FGD6: variants seen among roughly 807,000 people sequenced by gnomAD.
The protein encoded by FGD6 is FYVE, RhoGEF and PH domain containing 6.
A neutral mutation model predicts 149.4 loss-of-function variants in FGD6; 90 were observed. The ratio of observed to expected loss-of-function variants is 0.60; its 90% CI spans 0.51 to 0.72. The LOEUF (loss-of-function observed/expected upper bound fraction) is 0.72, where lower values mean the gene tolerates loss of function less well. Among genes scored for constraint, FGD6 ranks in the 30% least tolerant of loss-of-function variants. The pLI, the probability that FGD6 is intolerant of heterozygous loss-of-function variation, is 0.00. For missense variants in FGD6, 1,437 were observed against 1,684.8 expected (o/e 0.85, Z 2.57); for synonymous variants, 527 against 584.0 (o/e 0.90, Z 1.41).
chr12:95,107,620 T>C lies in FGD6; in HGVS notation c.3276A>G (p.Lys1092=). The change falls in exon 12 of 21, where the codon AAA becomes AAG. Residue 1092 remains lysine (K), a synonymous_variant. Transcript: ENST00000343958. ...GAGACAGCTTCATCAGAATTCCTTC[T>C]TTGAGAAAAACCTGATTCACCCAAA... ...EIVQPGRVFL[K]EGILMKLSRK... 1 of 1,614,054 alleles carries C rather than the reference T, an allele frequency of 6.2e-7. No individual in the cohort carries two copies. Among genetic ancestry groups the C allele is most frequent in the Non-Finnish European group, 8.5e-7 (1 of 1,180,036 alleles).
chr12:95,210,989 C>G lies in FGD6; in HGVS notation c.295G>C (p.Gly99Arg), dbSNP rs755985533. 8.4e-5 allele frequency: 135 copies of G among 1,614,072 alleles called. No homozygotes were observed. The highest frequency in any genetic ancestry group is 1.1e-4 in the Non-Finnish European group (133 of 1,180,052). The change falls in exon 2 of 21, where the codon GGC becomes CGC. Residue 99 changes from glycine (G) to arginine (R), a missense_variant. Transcript: ENST00000343958. ...STDNFNCKYE[G>R]NQSNDYISPM... ...GAAATATAATCATTGCTCTGATTGC[C>G]TTCATATTTACAATTAAAGTTGTCA...
chr12:95,112,671 A>G (rs1189511160), intron 9 of FGD6, among the ~76,000 whole-genome samples: 1 of 152,190 alleles, frequency 6.6e-6, no homozygotes, highest in African/African-American at 2.4e-5. Context: ...GAAACACCCA[A>G]ACAGAATTAA....
At chr12:95,099,344 C>T (rs1221443955) in intron 14 of FGD6, among the ~76,000 whole-genome samples, 1 of 152,148 alleles carries the variant, frequency 6.6e-6, no homozygotes, top group Non-Finnish European at 1.5e-5. Context: ...GAGTCACACG[C>T]AGATCCGTGC....
At chr12:95,180,186 T>C (rs1881242547) in intron 2 of FGD6, among the ~76,000 whole-genome samples, 1 of 151,946 alleles carries the variant, frequency 6.6e-6, no homozygotes. Flanking sequence ...CTCCTATTTG[T>C]GTAGAGAAGC....
rs757955014 is a variant in FGD6, at chr12:95,101,681, C to CTTTTT, written c.3497+3321_3497+3325dup. ...ATGGTCTTAATGTTCTTTGAACTTT[C>CTTTTT]TTTTTTTTTTTTTTTTTTTTGAGAT... On this transcript the variant is annotated intron_variant, in intron 14 of 20. Coordinates refer to ENST00000343958, the MANE Select transcript of FGD6 (RefSeq NM_018351.4). Among the ~76,000 whole-genome samples the CTTTTT allele has an allele frequency of 2.2e-3, 233 of 107,706 alleles. 1 individual carries two copies. The highest frequency in any genetic ancestry group is 2.6e-3 in the Non-Finnish European group (149 of 56,406). The allele number at this position is 107,706 out of a possible 152,430, so 70.7% of individuals were successfully genotyped here. A position where few individuals can be genotyped will look rare whatever the true frequency, so the allele number is the denominator to read the frequency against.
At position 95,084,510 on chromosome 12, in the gene FGD6, T is replaced by G; in HGVS notation, c.4244A>C (p.His1415Pro). The G allele has an allele frequency of 1.3e-6, 2 of 1,566,184 alleles. No individual in the cohort carries two copies. The highest frequency in any genetic ancestry group is 1.7e-6 in the Non-Finnish European group (2 of 1,163,856). ...LFYVFKAEDA[H>P]SAQKWIEAFQ... is the part of the protein sequence containing the mutation. ...CCAGATTACTTACTTCTGAGCCGAATGAGCATCCTCTGCTTTGAATACATA... is the reference window on the plus strand; with the variant it reads ...CCAGATTACTTACTTCTGAGCCGAAGGAGCATCCTCTGCTTTGAATACATA... The change falls in exon 20 of 21, where the codon CAT (histidine) becomes CCT (proline). Residue 1415 changes from histidine to proline, a missense_variant. Transcript: ENST00000343958.
rs1384717021 is a variant in FGD6, at chr12:95,209,070, C to T, written c.2214G>A (p.Lys738=). The change falls in exon 2 of 21, where the codon AAG becomes AAA. Residue 738 remains lysine, a synonymous_variant. Coordinates refer to ENST00000343958, the MANE Select transcript of FGD6 (RefSeq NM_018351.4). ...SRESSSQAPY[K]SVTSLCAPEY... is the part of the protein sequence containing the mutation. ...CCGGTGCACAGAGGCTTGTAACAGA[C>T]TTGTAAGGTGCCTGAGATGATGACT... 3.1e-6 allele frequency: 5 copies of T among 1,614,006 alleles called. No individual in the cohort carries two copies. In the Admixed American group the frequency reaches 5.0e-5, roughly 16 times the overall value.
chr12:95,103,414 G>A (rs1878511718), intron 14 of FGD6, among the ~76,000 whole-genome samples: 1 of 152,172 alleles, frequency 6.6e-6, no homozygotes, highest in African/African-American at 2.4e-5. Context: ...GTATTTTTAT[G>A]AGTCATAGAG....
chr12:95,164,226 TCTTTTTTTTTTTTTCCTTC>T lies in FGD6; in HGVS notation c.2586+8355_2586+8373del, dbSNP rs1217452936. ...TTGACGCTAGCCCAGCTTTGTAAAT[TCTTTTTTTTTTTTTCCTTC>T]CTTTTTTTTTTTTTGAGACGGAGTC... On this transcript the variant is annotated intron_variant, in intron 3 of 20. Coordinates refer to ENST00000343958, the MANE Select transcript of FGD6 (RefSeq NM_018351.4). Among the ~76,000 whole-genome samples the T allele has an allele frequency of 1.4e-4, 6 of 42,536 alleles. No homozygotes were observed. In the East Asian group the frequency reaches 8.2e-3, roughly 58 times the overall value. The allele number at this position is 42,536 out of a possible 152,430, so 27.9% of individuals were successfully genotyped here. A position where few individuals can be genotyped will look rare whatever the true frequency, so the allele number is the denominator to read the frequency against.
intron 5 of FGD6, among the ~76,000 whole-genome samples, chr12:95,142,490 C>A (rs1254877297): frequency 6.6e-6 from 1 of 152,104 alleles, no homozygotes; most frequent in African/African-American, 2.4e-5. Flanking sequence ...GTTGCCCAGG[C>A]TGGTCTTGAA....
In FGD6 at chr12:95,084,600, A is replaced by T. The variant is rs778605673; in HGVS notation, c.4154T>A (p.Ile1385Asn). The change falls in exon 20 of 21, where the codon ATT becomes AAT. Residue 1385 changes from isoleucine to asparagine, a missense_variant. By Grantham distance (149) the Ile-to-Asn change is moderately radical (BLOSUM62 -3). This residue lies in a region of FGD6 where 382 missense variants were observed against 538.7 expected (regional missense o/e 0.71). Transcript: ENST00000343958. ...ESQPLLGFTV[I>N]QVKDENSESK... is the part of the protein sequence containing the mutation. ...CTCGGAATTCTCATCTTTAACTTGA[A>T]TAACAGTGAATCCTAATAAAGGCTG... The T allele has an allele frequency of 1.2e-6, 2 of 1,607,376 alleles. No homozygotes were observed. Among genetic ancestry groups the T allele is most frequent in the African/African-American group, 2.7e-5 (2 of 74,754 alleles).
chr12:95,167,586 T>A (rs1220191777), intron 3 of FGD6, among the ~76,000 whole-genome samples: 3 of 151,304 alleles, frequency 2.0e-5, no homozygotes, highest in Non-Finnish European at 2.9e-5. Context: ...GGTTTTTTTT[T>A]TTTTTTGAGA....
chr12:95,083,768 T>G (rs998781425), intron 20 of FGD6, among the ~76,000 whole-genome samples: 2 of 152,214 alleles, frequency 1.3e-5, no homozygotes, highest in Non-Finnish European at 2.9e-5. Context: ...TTTCATGCAC[T>G]TTTAAGCTTG....
intron 5 of FGD6, among the ~76,000 whole-genome samples, chr12:95,143,067 G>T (rs1475062081): frequency 6.6e-6 from 1 of 151,934 alleles, no homozygotes; most frequent in Non-Finnish European, 1.5e-5. Flanking sequence ...CAAAAACAAA[G>T]ATTTTTTCCT....
At chr12:95,154,483 G>C (rs1190438957) in intron 3 of FGD6, among the ~76,000 whole-genome samples, 1 of 152,134 alleles carries the variant, frequency 6.6e-6, no homozygotes, top group Non-Finnish European at 1.5e-5. Context: ...TTATGTTCCA[G>C]TTCAAGATCA....
intron 5 of FGD6, among the ~76,000 whole-genome samples, chr12:95,149,422 TAA>T (rs1346495401): frequency 2.4e-4 from 30 of 127,192 alleles, no homozygotes; most frequent in African/African-American, 8.5e-4. Context: ...GCATACTATA[TAA>T]TATATAGCAT....
chr12:95,083,012 A>C (rs11107886), intron 20 of FGD6, among the ~76,000 whole-genome samples: 3 of 20,018 alleles, frequency 1.5e-4, no homozygotes, highest in African/African-American at 8.9e-4. Flanking sequence ...AAAAAAAAAA[A>C]ATATATATAT....
At position 95,217,251 on chromosome 12, in the gene FGD6, T is replaced by G. The variant is rs756453229; in HGVS notation, c.-11A>C. On this transcript the variant is annotated 5_prime_UTR_variant, in exon 1 of 21. Transcript: ENST00000343958. ...GGCTGCAGAAGTCATGATTCCCCGG[T>G]GCAGCTCGCTTCCCCGCTCGGCCCC... 6.2e-7 allele frequency: 1 copy of G among 1,609,214 alleles called. No homozygotes were observed. Among genetic ancestry groups the G allele is most frequent in the Non-Finnish European group, 8.5e-7 (1 of 1,176,798 alleles).
intron 18 of FGD6, 130 bp from the exon 19 acceptor site, chr12:95,086,038 A>T (rs1877853729): frequency 1.1e-6 from 1 of 941,222 alleles, no homozygotes; most frequent in African/African-American, 1.7e-5. Context: ...ATATATTTTC[A>T]AAGTGCTACT....
Sources: gnomAD v4.1 joint callset for allele counts (sites outside exome capture counted in the v4.1 genomes callset) on GRCh38, gnomAD v4.1.1 for gene constraint, gnomAD v4.1.1 regional missense constraint, MANE v1.5 for transcripts, NCBI Gene and HGNC (gene_info 2026-07-23, HGNC 2026-07-21) for gene names.